SLC41A1: variants seen among roughly 807,000 people sequenced by gnomAD.
SLC41A1 encodes the protein solute carrier family 41 (magnesium transporter), member 1.
SLC41A1 carries 20 observed loss-of-function variants against 47.3 expected under a neutral mutation model. That is an observed-to-expected ratio of 0.42 (90% CI 0.30 to 0.61). The LOEUF is 0.61. SLC41A1 is among the 20% of genes least tolerant of loss of function. The pLI is 0.17. For missense variants in SLC41A1, 504 were observed against 674.1 expected (o/e 0.75, Z 2.79); for synonymous variants, 282 against 272.7 (o/e 1.03, Z -0.34).
chr1:205,791,425 GAA>G lies in SLC41A1; in HGVS notation c.*106_*107del. 7.6e-7 allele frequency: 1 copy of G among 1,308,830 alleles called. No individual in the cohort carries two copies. Among genetic ancestry groups the G allele is most frequent in the Non-Finnish European group, 1.1e-6 (1 of 918,538 alleles). The allele number at this position is 1,308,830 out of a possible 1,614,324, so 81.1% of individuals were successfully genotyped here. A position where few individuals can be genotyped will look rare whatever the true frequency, so the allele number is the denominator to read the frequency against. Reference sequence around the variant, plus strand: ...AATAATGAGAATTTGGTATCAAAGTGAAGTCCTAGAAAGAGGTGGGAGTGTGG... The same window carrying G: ...AATAATGAGAATTTGGTATCAAAGTGGTCCTAGAAAGAGGTGGGAGTGTGG... On this transcript the variant is annotated 3_prime_UTR_variant, in exon 11 of 11. Transcript: ENST00000367137. The surrounding 1 kb of genome is among the most constrained non-coding windows in gnomAD (Gnocchi z 4.0).
At chr1:205,793,058 G>A (rs746232759) in intron 10 of SLC41A1, among the ~76,000 whole-genome samples, 1 of 152,022 alleles carries the variant, frequency 6.6e-6, no homozygotes, top group East Asian at 1.9e-4. Context: ...GTGCTACCAC[G>A]GCCTTGGCTC....
Position 205,798,124 on chromosome 1 carries a change from A to C in SLC41A1, c.845-73T>G, listed in dbSNP as rs1655791072. 40 of 1,600,306 alleles carry C rather than the reference A, an allele frequency of 2.5e-5. No individual in the cohort carries two copies. In the South Asian group the frequency reaches 4.5e-4, roughly 18 times the overall value. On this transcript the variant is annotated intron_variant, in intron 6 of 10. Coordinates refer to ENST00000367137, the MANE Select transcript of SLC41A1 (RefSeq NM_173854.6). ...CTAAGTTTCTCCCTGGCTCAGCCTG[A>C]AAATGTCCCAACAGATCAATAGCAA...
At position 205,798,832 on chromosome 1, in the gene SLC41A1, A is replaced by G. The variant is rs1328216347; in HGVS notation, c.698-17T>C. On this transcript the variant is annotated splice_polypyrimidine_tract_variant and intron_variant, in intron 5 of 10. Coordinates refer to ENST00000367137, the MANE Select transcript of SLC41A1 (RefSeq NM_173854.6). ...TGATCATACCTGGTGAGCAAGTGGG[A>G]GGAGGGGCAGGCAGGGTGAGAAGAG... 2.5e-6 allele frequency: 4 copies of G among 1,614,062 alleles called. No homozygotes were observed. The highest frequency in any genetic ancestry group is 3.4e-6 in the Non-Finnish European group (4 of 1,180,030).
rs1438897657 is a variant in SLC41A1 at position 205,795,431 on chromosome 1, A to G, written c.1120T>C (p.Phe374Leu). ...CCGGGCATTCCATTCATGTGCAGGA[A>G]GGTGGAGATGCGGCTGGCCTGCACT... is the stretch of plus-strand genomic sequence containing the variant. Reference protein sequence around the residue: ...VAVQASRISTFLHMNGMPGEN... With the variant: ...VAVQASRISTLLHMNGMPGEN... Residue 374 changes from phenylalanine (F) to leucine (L), a missense_variant, in exon 9 of 11, where the codon TTC becomes CTC. Phe to Leu is a conservative substitution (Grantham distance 22, BLOSUM62 0). Coordinates refer to ENST00000367137, the MANE Select transcript of SLC41A1 (RefSeq NM_173854.6). The G allele has an allele frequency of 1.2e-6, 2 of 1,614,226 alleles. No homozygotes were observed. Among genetic ancestry groups the G allele is most frequent in the South Asian group, 2.2e-5 (2 of 91,082 alleles).
Position 205,791,768 on chromosome 1 carries a change from G to A in SLC41A1, c.1357-50C>T, listed in dbSNP as rs1655634216. The A allele has an allele frequency of 6.2e-7, 1 of 1,602,054 alleles. No homozygotes were observed. Among genetic ancestry groups the A allele is most frequent in the Non-Finnish European group, 8.5e-7 (1 of 1,174,824 alleles). On this transcript the variant is annotated intron_variant, in intron 10 of 10. Transcript: ENST00000367137. The surrounding 1 kb of genome is among the most constrained non-coding windows in gnomAD (Gnocchi z 4.0). Reference sequence around the variant, plus strand: ...TATAGCCATCCTCTCTCTCCAGGGGGAGCCAGAGGCCACATGATCAGACCC... The same window carrying A: ...TATAGCCATCCTCTCTCTCCAGGGGAAGCCAGAGGCCACATGATCAGACCC...
At chr1:205,797,802 A>T in intron 7 of SLC41A1, 102 bp downstream of exon 7, 1 of 1,442,956 alleles carries the variant, frequency 6.9e-7, no homozygotes, top group Non-Finnish European at 9.7e-7. Context: ...TAATGAACAC[A>T]TTTCTAGGGT....
At chr1:205,800,033 T>TG (rs922566101) in intron 3 of SLC41A1, among the ~76,000 whole-genome samples, 25 of 151,948 alleles carry the variant, frequency 1.6e-4, no homozygotes, top group Admixed American at 1.4e-3. Flanking sequence ...TGCAGCTGGG[T>TG]GGGGGGTTGG....
intron 7 of SLC41A1, among the ~76,000 whole-genome samples, chr1:205,797,220 T>C (rs770754684): frequency 7.9e-5 from 12 of 152,202 alleles, no homozygotes; most frequent in Non-Finnish European, 1.6e-4. Context: ...AAGCTGGTGG[T>C]ACTGGGTCAG....
chr1:205,792,797 C>A (rs1655654523), intron 10 of SLC41A1, among the ~76,000 whole-genome samples: 1 of 152,084 alleles, frequency 6.6e-6, no homozygotes, highest in East Asian at 1.9e-4. Flanking sequence ...GAGGTTTTAC[C>A]CTTGACTATA....
At chr1:205,809,519 C>A (rs1185865537) in intron 2 of SLC41A1, among the ~76,000 whole-genome samples, 1 of 152,214 alleles carries the variant, frequency 6.6e-6, no homozygotes, top group Non-Finnish European at 1.5e-5. Context: ...CACCCCCACC[C>A]CCCAAGGGGA....
Position 205,810,128 on chromosome 1 carries a change from G to A in SLC41A1, c.314C>T (p.Pro105Leu). The change falls in exon 2 of 11, where the codon CCA (proline) becomes CTA (leucine). Residue 105 changes from proline (P) to leucine (L), a missense_variant. Transcript: ENST00000367137. The surrounding 1 kb of genome is among the most constrained non-coding windows in gnomAD (Gnocchi z 5.5). ...SFSIGLQVLF[P>L]FLLAGFGTVA... is the part of the protein sequence containing the mutation. ...GGTCCCAAAGCCTGCCAGGAGGAAT[G>A]GAAACAGTACTTGCAGCCCGATGGA... The A allele has an allele frequency of 6.2e-7, 1 of 1,614,226 alleles. No individual in the cohort carries two copies. Among genetic ancestry groups the A allele is most frequent in the Non-Finnish European group, 8.5e-7 (1 of 1,180,016 alleles).
chr1:205,812,516 G>A (rs192547092), intron 1 of SLC41A1, among the ~76,000 whole-genome samples: 1 of 152,308 alleles, frequency 6.6e-6, no homozygotes, highest in East Asian at 1.9e-4. Flanking sequence ...CCTGAGAGGG[G>A]GCTCCCAGGA....
chr1:205,796,878 TC>T (rs758717388), intron 8 of SLC41A1, 45 bp downstream of exon 8: 27 of 1,584,368 alleles, frequency 1.7e-5, no homozygotes, highest in Non-Finnish European at 2.3e-5. Flanking sequence ...CCTGTCCCTT[TC>T]CTTCCCCCAG....
At chr1:205,808,468 T>C (rs1656067689) in intron 2 of SLC41A1, among the ~76,000 whole-genome samples, 1 of 152,194 alleles carries the variant, frequency 6.6e-6, no homozygotes, top group African/African-American at 2.4e-5. Context: ...CCATTACTAT[T>C]ATCCAGAAAA....
At chr1:205,798,838 G>T (rs768934081) in intron 5 of SLC41A1, 23 bp from the exon 6 acceptor site, 2 of 1,614,152 alleles carry the variant, frequency 1.2e-6, no homozygotes, top group Non-Finnish European at 8.5e-7. Flanking sequence ...TGGGAGGAGG[G>T]GCAGGCAGGG....
rs1284089648 is a variant in SLC41A1 at position 205,795,432 on chromosome 1, G to A, written c.1119C>T (p.Thr373=). The A allele has an allele frequency of 6.2e-7, 1 of 1,614,228 alleles. No individual in the cohort carries two copies. Among genetic ancestry groups the A allele is most frequent in the Non-Finnish European group, 8.5e-7 (1 of 1,180,044 alleles). The change falls in exon 9 of 11, where the codon ACC becomes ACT. Residue 373 remains threonine (T), a synonymous_variant. Transcript: ENST00000367137. ...LVAVQASRIS[T]FLHMNGMPGE... ...CGGGCATTCCATTCATGTGCAGGAA[G>A]GTGGAGATGCGGCTGGCCTGCACTG...
At chr1:205,808,339 T>C (rs1466130176) in intron 2 of SLC41A1, among the ~76,000 whole-genome samples, 1 of 152,196 alleles carries the variant, frequency 6.6e-6, no homozygotes, top group Non-Finnish European at 1.5e-5. Flanking sequence ...TAGGGTCAGA[T>C]GACCAGGGAC....
Position 205,798,053 on chromosome 1 carries a change from T to C in SLC41A1, c.845-2A>G. 1 of 1,614,158 alleles carries C rather than the reference T, an allele frequency of 6.2e-7. No individual in the cohort carries two copies. The highest frequency in any genetic ancestry group is 8.5e-7 in the Non-Finnish European group (1 of 1,180,012). ...GTGGGTAGATGTATCGCCAGTGATC[T>C]GAGAGGGCAGAGGTCAGAAGGAGAT... On this transcript the variant is annotated splice_acceptor_variant, in intron 6 of 10. Transcript: ENST00000367137. LOFTEE classifies it high-confidence loss of function.
rs1368104247 is a variant in SLC41A1, at chr1:205,790,689, C to A, written c.*844G>T. On this transcript the variant is annotated 3_prime_UTR_variant, in exon 11 of 11. Coordinates refer to ENST00000367137, the MANE Select transcript of SLC41A1 (RefSeq NM_173854.6). ...CTCTGGGGAAGGTAGTGCTTAGAGA[C>A]AATTTGAGATGAAGGTTGAAGAGAG... The A allele has an allele frequency of 1.3e-5, 2 of 152,198 alleles. No individual in the cohort carries two copies. Among genetic ancestry groups the A allele is most frequent in the Non-Finnish European group, 1.5e-5 (1 of 68,082 alleles). 9.4% of individuals were successfully genotyped at this position (152,198 alleles called of 1,614,324 possible).
Sources: allele counts gnomAD v4.1 joint callset (sites outside exome capture counted in the v4.1 genomes callset), GRCh38; gene constraint gnomAD v4.1.1; non-coding constraint Gnocchi (gnomAD v3.1); transcripts MANE v1.5; gene names NCBI Gene and HGNC (gene_info 2026-07-23, HGNC 2026-07-21).